The following SLC26A3 variants were observed in gnomAD, a reference collection of about 807,000 sequenced individuals.
SLC26A3 encodes chloride anion exchanger.
Under a neutral mutation model 85.6 loss-of-function variants are expected in SLC26A3, and 64 were observed. That is an observed-to-expected ratio of 0.75 (90% CI 0.61 to 0.92). The LOEUF is 0.92. SLC26A3 is among the 40% of genes least tolerant of loss of function. SLC26A3 has a pLI of 0.00. For synonymous variants in SLC26A3, 349 were observed against 336.0 expected, an observed-to-expected ratio of 1.04 and a Z score of -0.42; for missense variants, 922 against 927.3, an observed-to-expected ratio of 0.99 and a Z score of 0.07.
chr7:107,765,831 A>G lies in SLC26A3; in HGVS notation c.*24T>C, dbSNP rs1793904345. 6.3e-7 allele frequency: 1 copy of G among 1,583,966 alleles called. No homozygotes were observed. Among genetic ancestry groups the G allele is most frequent in the Non-Finnish European group, 8.7e-7 (1 of 1,153,038 alleles). On this transcript the variant is annotated 3_prime_UTR_variant, in exon 21 of 21. Coordinates refer to ENST00000340010, the MANE Select transcript of SLC26A3 (RefSeq NM_000111.3). Reference sequence around the variant, plus strand: ...TTGTTTTTATGTCATAGTCAGATGAAGATCCTTCTGAATTATATGTTGATT... The same window carrying G: ...TTGTTTTTATGTCATAGTCAGATGAGGATCCTTCTGAATTATATGTTGATT...
At position 107,782,851 on chromosome 7, in the gene SLC26A3, G is replaced by A. The variant is rs140126824; in HGVS notation, c.1257C>T (p.Ile419=). ...KTQIAGLIGA[I]IVLIVVLAIG... is the part of the protein sequence containing the mutation. ...TGGCTAGAACGACAATCAGCACGAT[G>A]ATGGCACCAATAAGCCCAGCAATCT... The change falls in exon 11 of 21, where the codon ATC becomes ATT. Residue 419 remains isoleucine (I), a synonymous_variant. Coordinates refer to ENST00000340010, the MANE Select transcript of SLC26A3 (RefSeq NM_000111.3). The A allele has an allele frequency of 9.3e-6, 15 of 1,614,146 alleles. No homozygotes were observed. The Middle Eastern group carries it at 4.9e-4, about 53-fold the overall frequency.
In SLC26A3 at chr7:107,765,692, TA is replaced by T; in HGVS notation, c.*162del. On this transcript the variant is annotated 3_prime_UTR_variant, in exon 21 of 21. Transcript: ENST00000340010. ...AATACTTATATAATTTCATACTAGA[TA>T]TGTGAAAAATATGCCATGCTAGAAC... The T allele has an allele frequency of 3.5e-6, 2 of 572,928 alleles. No homozygotes were observed. Among genetic ancestry groups the T allele is most frequent in the Non-Finnish European group, 6.3e-6 (2 of 319,982 alleles). 35.5% of individuals were successfully genotyped at this position (572,928 alleles called of 1,614,324 possible).
At chr7:107,769,844 A>G (rs1439196219) in intron 18 of SLC26A3, among the ~76,000 whole-genome samples, 3 of 152,066 alleles carry the variant, frequency 2.0e-5, no homozygotes, top group Non-Finnish European at 4.4e-5. Flanking sequence ...TATGTGTACC[A>G]CTTGTCTCCT....
At chr7:107,793,219 A>G (rs1308638219) in intron 3 of SLC26A3, among the ~76,000 whole-genome samples, 2 of 152,244 alleles carry the variant, frequency 1.3e-5, no homozygotes, top group Admixed American at 1.3e-4. Context: ...CCTATGATCC[A>G]GCAATTACAA....
At chr7:107,790,730 T>C (rs1794382167) in intron 5 of SLC26A3, among the ~76,000 whole-genome samples, 2 of 152,196 alleles carry the variant, frequency 1.3e-5, no homozygotes, top group African/African-American at 4.8e-5. Flanking sequence ...ACTCTATCAA[T>C]TCCCAGATAT....
chr7:107,766,583 C>G (rs1793919185), intron 20 of SLC26A3, among the ~76,000 whole-genome samples: 1 of 152,200 alleles, frequency 6.6e-6, no homozygotes, highest in East Asian at 1.9e-4. Context: ...CTTGATACCA[C>G]TCTTAATAAT....
chr7:107,797,856 G>T (rs1794536590), intron 1 of SLC26A3, among the ~76,000 whole-genome samples: 1 of 150,786 alleles, frequency 6.6e-6, no homozygotes, highest in African/African-American at 2.4e-5. Flanking sequence ...TTTTTCACCT[G>T]AACAAGTTAC....
In SLC26A3 at chr7:107,794,384, A is replaced by G; in HGVS notation, c.126T>C (p.Cys42=). Residue 42 remains cysteine, a synonymous_variant, in exon 2 of 21, where the codon TGT becomes TGC. Coordinates refer to ENST00000340010, the MANE Select transcript of SLC26A3 (RefSeq NM_000111.3). Reference sequence around the variant, plus strand: ...TACCTTAAAAAATATCTTACCTACAACACACTTTGAGATGATCCAGAAATG... The same window carrying G: ...TACCTTAAAAAATATCTTACCTACAGCACACTTTGAGATGATCCAGAAATG... The part of the protein sequence containing the change: ...HKTFLDHLKV[C]CSCSPQKAKR... 1 of 1,613,948 alleles carries G rather than the reference A, an allele frequency of 6.2e-7. No individual in the cohort carries two copies. The highest frequency in any genetic ancestry group is 8.5e-7 in the Non-Finnish European group (1 of 1,179,914).
intron 1 of SLC26A3, among the ~76,000 whole-genome samples, chr7:107,802,478 C>T (rs1435957070): frequency 6.6e-6 from 1 of 152,026 alleles, no homozygotes; most frequent in African/African-American, 2.4e-5. Flanking sequence ...TAGTCTTGGA[C>T]TTTCTAGGAT....
At chr7:107,797,596 CA>C (rs1364534478) in intron 1 of SLC26A3, among the ~76,000 whole-genome samples, 3 of 152,186 alleles carry the variant, frequency 2.0e-5, no homozygotes. Context: ...TCCCCGCTTC[CA>C]AAAGCTATGC....
At chr7:107,778,414 T>G in intron 12 of SLC26A3, 133 bp from the exon 13 acceptor site, 1 of 626,368 alleles carries the variant, frequency 1.6e-6, no homozygotes, top group Non-Finnish European at 2.7e-6. Flanking sequence ...TAAAAAAAAT[T>G]TAAAAATTTG....
intron 6 of SLC26A3, among the ~76,000 whole-genome samples, chr7:107,788,109 T>C (rs1794328535): frequency 6.6e-6 from 1 of 152,152 alleles, no homozygotes; most frequent in Non-Finnish European, 1.5e-5. Context: ...GGATCCCAAA[T>C]TGCTTCTAGA....
intron 11 of SLC26A3, among the ~76,000 whole-genome samples, 163 bp from the exon 12 acceptor site, chr7:107,779,926 C>G (rs1403871660): frequency 2.0e-5 from 3 of 152,108 alleles, no homozygotes; most frequent in African/African-American, 7.2e-5. Flanking sequence ...CACACCAGAA[C>G]TGGGACTCTG....
chr7:107,767,490 C>G, intron 20 of SLC26A3, 89 bp downstream of exon 20: 1 of 945,840 alleles, frequency 1.1e-6, no homozygotes, highest in Non-Finnish European at 1.7e-6. Context: ...GCTGGACTTT[C>G]TGCCACATGC....
At chr7:107,789,113 C>CTTTTTT (rs1444704449) in intron 6 of SLC26A3, among the ~76,000 whole-genome samples, 5 of 124,784 alleles carry the variant, frequency 4.0e-5, no homozygotes, top group African/African-American at 1.5e-4. Flanking sequence ...CTTTTCTTTT[C>CTTTTTT]TTTTTCTTTT....
chr7:107,800,480 A>C (rs1348034509), intron 1 of SLC26A3, among the ~76,000 whole-genome samples: 1 of 152,216 alleles, frequency 6.6e-6, no homozygotes, highest in Non-Finnish European at 1.5e-5. Flanking sequence ...CCTTCATGGA[A>C]TCCCTAGATA....
rs764393881 is a variant in SLC26A3, at chr7:107,778,260, T to C, written c.1429A>G (p.Ile477Val). ...CCGAGTCCCAGGACAATGGTGAAGA[T>C]GAAGGTCATGATCCAAATTAACTGT... ...YDCLIWIMTF[I>V]FTIVLGLGLG... Residue 477 changes from isoleucine to valine, a missense_variant, in exon 13 of 21, where the codon ATC becomes GTC. Ile to Val is a conservative substitution (Grantham distance 29). Transcript: ENST00000340010. 4.3e-6 allele frequency: 7 copies of C among 1,612,806 alleles called. No individual in the cohort carries two copies. In the South Asian group the frequency reaches 6.6e-5, roughly 15 times the overall value.
rs555714228 is a variant in SLC26A3, at chr7:107,774,665, A to T, written c.1773+112T>A. On this transcript the variant is annotated intron_variant, in intron 16 of 20. Transcript: ENST00000340010. Reference sequence around the variant, plus strand: ...TTTAAAATATAACACTCATTGACACATGAAATCCCTTGTTTATCTGGCATT... The same window carrying T: ...TTTAAAATATAACACTCATTGACACTTGAAATCCCTTGTTTATCTGGCATT... 3.2e-4 allele frequency: 271 copies of T among 842,630 alleles called. 1 individual carries two copies. The highest frequency in any genetic ancestry group is 3.1e-3 in the South Asian group (229 of 73,498). The allele number at this position is 842,630 out of a possible 1,614,324, so 52.2% of individuals were successfully genotyped here. A position where few individuals can be genotyped will look rare whatever the true frequency, so the allele number is the denominator to read the frequency against.
intron 8 of SLC26A3, 103 bp from the exon 9 acceptor site, chr7:107,783,455 T>C (rs1794243427): frequency 5.1e-6 from 7 of 1,385,438 alleles, no homozygotes; most frequent in East Asian, 4.6e-5. Context: ...CTGAGTTGTG[T>C]CTCACTTTGG....
Sources: gnomAD v4.1 joint callset for allele counts (sites outside exome capture counted in the v4.1 genomes callset) on GRCh38, gnomAD v4.1.1 for gene constraint, MANE v1.5 for transcripts, NCBI Gene and HGNC (gene_info 2026-07-23, HGNC 2026-07-21) for gene names.